The following MDGA2 variants were observed in gnomAD, a reference collection of about 807,000 sequenced individuals.
MDGA2 encodes MAM domain containing glycosylphosphatidylinositol anchor 2, also known as MAM domain-containing glycosylphosphatidylinositol anchor protein 2.
Under a neutral mutation model 117.8 loss-of-function variants are expected in MDGA2, and 40 were observed. The ratio of observed to expected loss-of-function variants is 0.34; its 90% confidence interval spans 0.26 to 0.44. The LOEUF is 0.44. Among genes scored for constraint, MDGA2 ranks in the 20% least tolerant of loss-of-function variants. The pLI is 1.00. For synonymous variants in MDGA2, 452 were observed against 439.0 expected (o/e 1.03, Z -0.37); for missense variants, 1,123 against 1,250.6 (o/e 0.90, Z 1.54).
At chr14:46,952,965 A>C (rs572810267) in intron 9 of MDGA2, among the ~76,000 whole-genome samples, 2 of 152,058 alleles carry the variant, frequency 1.3e-5, no homozygotes, top group East Asian at 3.9e-4. Context: ...TAGGTTTTCT[A>C]GGAAAATAAA....
chr14:46,867,386 C>G (rs1405595869), intron 14 of MDGA2, among the ~76,000 whole-genome samples: 1 of 151,374 alleles, frequency 6.6e-6, no homozygotes, highest in Admixed American at 6.6e-5. Flanking sequence ...ACTCTGGGGA[C>G]TGTTGTGGGG....
intron 14 of MDGA2, chr14:46,871,441 T>C (rs1881993706): frequency 6.6e-6 from 1 of 151,998 alleles, no homozygotes; most frequent in African/African-American, 2.4e-5. Flanking sequence ...GCATGGTAAC[T>C]AAAGTCCTTT....
At chr14:47,196,306 T>C (rs185258705) in intron 3 of MDGA2, among the ~76,000 whole-genome samples, 1 of 152,250 alleles carries the variant, frequency 6.6e-6, no homozygotes, top group East Asian at 1.9e-4. Context: ...GTAGTAATAG[T>C]AAAGAGGTTC....
At chr14:47,639,637 C>A (rs773316016) in intron 1 of MDGA2, among the ~76,000 whole-genome samples, 4 of 152,098 alleles carry the variant, frequency 2.6e-5, no homozygotes, top group African/African-American at 4.8e-5. Flanking sequence ...TTTTATTCTT[C>A]TTTTATTTAA....
At chr14:47,173,189 T>A (rs538214563) in intron 3 of MDGA2, among the ~76,000 whole-genome samples, 1 of 152,158 alleles carries the variant, frequency 6.6e-6, no homozygotes, top group Non-Finnish European at 1.5e-5. Flanking sequence ...TACGTGAAAG[T>A]GACGGGGAGA....
At chr14:47,565,496 C>T (rs974530780) in intron 1 of MDGA2, among the ~76,000 whole-genome samples, 3 of 152,256 alleles carry the variant, frequency 2.0e-5, no homozygotes, top group Middle Eastern at 3.4e-3. Flanking sequence ...AGGTTGGAAA[C>T]CTGCTGAGCT....
chr14:47,049,602 A>C (rs150428930), intron 7 of MDGA2, among the ~76,000 whole-genome samples: 1 of 152,002 alleles, frequency 6.6e-6, no homozygotes, highest in Non-Finnish European at 1.5e-5. Context: ...TTACATGAGT[A>C]TATTCCATGA....
chr14:47,268,748 T>C (rs1888048354), intron 2 of MDGA2, among the ~76,000 whole-genome samples: 2 of 152,208 alleles, frequency 1.3e-5, no homozygotes, highest in African/African-American at 2.4e-5. Flanking sequence ...GATCTGATGA[T>C]ACTATGAAAC....
chr14:46,885,151 T>C lies in MDGA2; in HGVS notation c.2239-2930A>G, dbSNP rs188789903. On this transcript the variant is annotated intron_variant, in intron 10 of 16. Transcript: ENST00000399232. ...CGTAAGTCACCGTGCCTGGCCAATATATTGCTTTCTTAAACAGAATAGGGA... is the reference window on the plus strand; with the variant it reads ...CGTAAGTCACCGTGCCTGGCCAATACATTGCTTTCTTAAACAGAATAGGGA... 3.9e-3 allele frequency among the ~76,000 whole-genome samples: 586 copies of C among 152,132 alleles called. 7 individuals carry two copies. Among genetic ancestry groups the C allele is most frequent in the African/African-American group, 0.012 (507 of 41,534 alleles).
intron 1 of MDGA2, among the ~76,000 whole-genome samples, chr14:47,632,264 C>T (rs1233636377): frequency 6.6e-6 from 1 of 152,172 alleles, no homozygotes; most frequent in Admixed American, 6.5e-5. Context: ...GAATTCACTC[C>T]CATCCCAGAA....
intron 2 of MDGA2, among the ~76,000 whole-genome samples, chr14:47,236,290 C>CAAAAAAAA (rs5808383): frequency 8.9e-5 from 6 of 67,252 alleles, no homozygotes; most frequent in African/African-American, 3.6e-4. Context: ...GACTCCGCCT[C>CAAAAAAAA]AAAAAAAAAA....
chr14:46,882,118 G>T lies in MDGA2; in HGVS notation c.2342C>A (p.Ala781Asp). 1 of 1,612,266 alleles carries T rather than the reference G, an allele frequency of 6.2e-7. No individual in the cohort carries two copies. Among genetic ancestry groups the T allele is most frequent in the East Asian group, 2.2e-5 (1 of 44,746 alleles). Reference sequence around the variant, plus strand: ...GAGAGGAGTCAGTCGGACTTCATAAGCTTCTGGTTTAATTAGCTCTGTCAA... The same window carrying T: ...GAGAGGAGTCAGTCGGACTTCATAATCTTCTGGTTTAATTAGCTCTGTCAA... ...YNLTELIKPEAYEVRLTPLTK... is the reference protein window; with the variant it reads ...YNLTELIKPEDYEVRLTPLTK... Residue 781 changes from alanine (A) to aspartate (D), a missense_variant, in exon 11 of 17, where the codon GCT (alanine) becomes GAT (aspartate). Coordinates refer to ENST00000399232, the MANE Select transcript of MDGA2 (RefSeq NM_001113498.3).
At position 47,037,837 on chromosome 14, in the gene MDGA2, G is replaced by T. The variant is rs200367382; in HGVS notation, c.1526-2533C>A. ...GTATAACTTTAAAGACTAATGGAGG[G>T]TTATTACTTGAAATATACAATCCAT... On this transcript the variant is annotated intron_variant, in intron 7 of 16. Coordinates refer to ENST00000399232, the MANE Select transcript of MDGA2 (RefSeq NM_001113498.3). Among the ~76,000 whole-genome samples the T allele has an allele frequency of 3.9e-5, 6 of 152,246 alleles. No individual in the cohort carries two copies. The East Asian group carries it at 7.7e-4, about 20-fold the overall frequency.
chr14:47,534,615 T>G (rs1450688963), intron 1 of MDGA2, among the ~76,000 whole-genome samples: 1 of 152,112 alleles, frequency 6.6e-6, no homozygotes, highest in Non-Finnish European at 1.5e-5. Context: ...ACCACCCTCA[T>G]GCTCCAATCA....
chr14:47,442,752 A>G (rs576183439), intron 1 of MDGA2, among the ~76,000 whole-genome samples: 2 of 152,102 alleles, frequency 1.3e-5, no homozygotes, highest in Non-Finnish European at 1.5e-5. Context: ...CGCTTATCCA[A>G]AGTTTTGCTT....
intron 1 of MDGA2, among the ~76,000 whole-genome samples, chr14:47,339,904 T>A (rs558925390): frequency 1.3e-5 from 2 of 152,158 alleles, no homozygotes; most frequent in South Asian, 4.1e-4. Context: ...TAATCATGAG[T>A]TTGTATCCAC....
intron 7 of MDGA2, among the ~76,000 whole-genome samples, chr14:47,037,699 C>T (rs909063548): frequency 3.3e-5 from 5 of 152,180 alleles, no homozygotes; most frequent in East Asian, 1.9e-4. Context: ...TAAATAAATA[C>T]CTCAATCATC....
At chr14:46,867,806 T>C (rs191724067) in intron 14 of MDGA2, among the ~76,000 whole-genome samples, 8 of 152,190 alleles carry the variant, frequency 5.3e-5, no homozygotes, top group Admixed American at 1.3e-4. Flanking sequence ...TTTTATAATA[T>C]GCATTTCTCT....
chr14:47,039,941 A>C (rs971540109), intron 7 of MDGA2, among the ~76,000 whole-genome samples: 2 of 152,082 alleles, frequency 1.3e-5, no homozygotes, highest in Non-Finnish European at 2.9e-5. Context: ...GTAACTATGC[A>C]AGATAAGGAA....
Sources: gnomAD v4.1 joint callset for allele counts (sites outside exome capture counted in the v4.1 genomes callset) on GRCh38, gnomAD v4.1.1 for gene constraint, MANE v1.5 for transcripts, NCBI Gene and HGNC (gene_info 2026-07-23, HGNC 2026-07-21) for gene names.